The following KIF26B variants were observed in gnomAD, a reference collection of about 807,000 sequenced individuals.
KIF26B encodes kinesin family member 26B, also known as kinesin-like protein KIF26B.
In KIF26B, 63 loss-of-function variants were observed where a neutral mutation model predicts 151.2. The ratio of observed to expected loss-of-function variants is 0.42; its 90% CI spans 0.34 to 0.51. The LOEUF is 0.51. Ranked by LOEUF, KIF26B falls within the 20% of genes least tolerant of loss-of-function variation. KIF26B has a pLI of 0.07. For missense variants in KIF26B, 2,813 were observed against 2,913.6 expected (o/e 0.97, Z 0.79); for synonymous variants, 1,357 against 1,262.1 (o/e 1.08, Z -1.59).
Position 245,167,185 on chromosome 1 carries a change from T to TG in KIF26B, c.465+10503dup. Among the ~76,000 whole-genome samples, 1 of 147,368 alleles carries TG rather than the reference T, an allele frequency of 6.8e-6. No individual in the cohort carries two copies. Among genetic ancestry groups the TG allele is most frequent in the African/African-American group, 2.7e-5 (1 of 37,312 alleles). ...CGTGTAAACTTTCTTTTTATATAAT[T>TG]GTTTTTTTTTTTGCTTGAAAGCATG... On this transcript the variant is annotated intron_variant, in intron 2 of 14. Transcript: ENST00000407071. This position sits in a 1 kb window ranked among gnomAD's most constrained non-coding sequence, Gnocchi z 4.2.
At position 245,601,104 on chromosome 1, in the gene KIF26B, G is replaced by A. The variant is rs908729578; in HGVS notation, c.1351-1473G>A. The stretch of plus-strand genomic sequence containing the variant: ...CCTGGCATATGAGAGAAAATGGCAG[G>A]GATCTTTCTATGACCTCAGTGTGAG... On this transcript the variant is annotated intron_variant, in intron 5 of 14. Transcript: ENST00000407071. This position sits in a 1 kb window ranked among gnomAD's most constrained non-coding sequence, Gnocchi z 4.4. Among the ~76,000 whole-genome samples, 3 of 152,186 alleles carry A rather than the reference G, an allele frequency of 2.0e-5. No homozygotes were observed.
At chr1:245,499,657 A>G (rs1290786746) in intron 4 of KIF26B, among the ~76,000 whole-genome samples, 1 of 152,250 alleles carries the variant, frequency 6.6e-6, no homozygotes, top group East Asian at 1.9e-4. Flanking sequence ...AGGGGGACAG[A>G]GAGGCAAAGT....
At chr1:245,161,029 A>G (rs1382922298) in intron 2 of KIF26B, among the ~76,000 whole-genome samples, 3 of 152,248 alleles carry the variant, frequency 2.0e-5, no homozygotes, top group Non-Finnish European at 2.9e-5. Context: ...CTTATTAATT[A>G]TAAGGGACTT....
intron 9 of KIF26B, among the ~76,000 whole-genome samples, chr1:245,643,396 G>C (rs1200025869): frequency 6.6e-6 from 1 of 151,854 alleles, no homozygotes; most frequent in Non-Finnish European, 1.5e-5. Context: ...TATTGCTTTA[G>C]TGTTTGTAAT....
chr1:245,313,998 G>A (rs931873236), intron 2 of KIF26B, among the ~76,000 whole-genome samples: 1 of 152,016 alleles, frequency 6.6e-6, no homozygotes, highest in Non-Finnish European at 1.5e-5. Flanking sequence ...CTCGCTCTCC[G>A]CACCTGCTGT....
chr1:245,300,482 T>G (rs1671410132), intron 2 of KIF26B, among the ~76,000 whole-genome samples: 1 of 152,160 alleles, frequency 6.6e-6, no homozygotes, highest in Non-Finnish European at 1.5e-5. Flanking sequence ...TAAAACACAA[T>G]CATCATCCCT....
Position 245,367,494 on chromosome 1 carries a change from C to A in KIF26B, c.999+127C>A. On this transcript the variant is annotated intron_variant, in intron 3 of 14. Transcript: ENST00000407071. The surrounding 1 kb of genome is among the most constrained non-coding windows in gnomAD (Gnocchi z 4.2). ...CTCAGAGCCCAGTGTTTCCATGTGG[C>A]CCCCACAGAGTTCTCATCAAGGTGC... The A allele has an allele frequency of 5.4e-6, 5 of 920,172 alleles. No homozygotes were observed. The highest frequency in any genetic ancestry group is 8.0e-6 in the Non-Finnish European group (5 of 626,472). The allele number at this position is 920,172 out of a possible 1,614,324, so 57.0% of individuals were successfully genotyped here.
chr1:245,575,775 G>A (rs1477660647), intron 5 of KIF26B, among the ~76,000 whole-genome samples: 1 of 152,154 alleles, frequency 6.6e-6, no homozygotes, highest in Admixed American at 6.5e-5. Flanking sequence ...ACGAGGAAAG[G>A]AGACCTTGGC....
chr1:245,244,079 T>A lies in KIF26B; in HGVS notation c.465+87396T>A, dbSNP rs3124451. On this transcript the variant is annotated intron_variant, in intron 2 of 14. Transcript: ENST00000407071. This position sits in a 1 kb window ranked among gnomAD's most constrained non-coding sequence, Gnocchi z 4.2. ...TCGGCCTCTTGTCCTGTTGAGTAGC[T>A]AGGACTACAGGCATGCACCATCATG... Among the ~76,000 whole-genome samples, 124,767 of 151,992 alleles carry A rather than the reference T, an allele frequency of 0.82. 51,551 individuals are homozygous for A. The highest frequency in any genetic ancestry group is 0.87 in the South Asian group (4,167 of 4,802).
At chr1:245,638,341 C>CT (rs549507844) in intron 9 of KIF26B, among the ~76,000 whole-genome samples, 84 of 151,928 alleles carry the variant, frequency 5.5e-4, no homozygotes, top group Non-Finnish European at 9.7e-4. Flanking sequence ...TATCCTGCAA[C>CT]TTTATTAAAC....
At chr1:245,176,022 T>C (rs557606475) in intron 2 of KIF26B, among the ~76,000 whole-genome samples, 9 of 151,202 alleles carry the variant, frequency 6.0e-5, no homozygotes, top group African/African-American at 2.2e-4. Flanking sequence ...AGATATTTTT[T>C]TTGAGACAGA....
At chr1:245,465,407 G>GT (rs897779736) in intron 4 of KIF26B, among the ~76,000 whole-genome samples, 5 of 5,624 alleles carry the variant, frequency 8.9e-4, no homozygotes, top group African/African-American at 5.0e-3. Flanking sequence ...GACCAGGGGA[G>GT]GGGGAAAAGC....
At chr1:245,266,301 A>T (rs1040557137) in intron 2 of KIF26B, among the ~76,000 whole-genome samples, 2 of 152,212 alleles carry the variant, frequency 1.3e-5, no homozygotes, top group Admixed American at 6.5e-5. Flanking sequence ...TTAAGTGCTG[A>T]CAAGGGATAT....
chr1:245,244,542 G>A lies in KIF26B; in HGVS notation c.465+87859G>A, dbSNP rs890900239. 1.3e-5 allele frequency among the ~76,000 whole-genome samples: 2 copies of A among 152,030 alleles called. No individual in the cohort carries two copies. The highest frequency in any genetic ancestry group is 4.8e-5 in the African/African-American group (2 of 41,384). On this transcript the variant is annotated intron_variant, in intron 2 of 14. Transcript: ENST00000407071. This position sits in a 1 kb window ranked among gnomAD's most constrained non-coding sequence, Gnocchi z 4.2. ...TTATTGTACTTAGTCGAGTTCTAGA[G>A]GGAGCCAGGCCCAGAAAATGAGGGG...
rs79456428 is a variant in KIF26B at position 245,383,562 on chromosome 1, A to T, written c.999+16195A>T. Among the ~76,000 whole-genome samples the T allele has an allele frequency of 2.9e-3, 437 of 152,332 alleles. 3 individuals are homozygous for T. The highest frequency in any genetic ancestry group is 9.9e-3 in the African/African-American group (413 of 41,578). On this transcript the variant is annotated intron_variant, in intron 3 of 14. Coordinates refer to ENST00000407071, the MANE Select transcript of KIF26B (RefSeq NM_018012.4). Reference sequence around the variant, plus strand: ...TTTTTGATAGAATGCAGGTGCTTCCAGGGATTAACTGCTGCTATTAGGCTA... The same window carrying T: ...TTTTTGATAGAATGCAGGTGCTTCCTGGGATTAACTGCTGCTATTAGGCTA...
In KIF26B at chr1:245,375,175, C is replaced by A. The variant is rs999582446; in HGVS notation, c.999+7808C>A. On this transcript the variant is annotated intron_variant, in intron 3 of 14. Transcript: ENST00000407071. The surrounding 1 kb of genome is among the most constrained non-coding windows in gnomAD (Gnocchi z 4.2). ...GAGCTTGGCTCACTGCAACCTCCAC[C>A]TCCCAGGTTCAAGCGATTCTCCTGC... Among the ~76,000 whole-genome samples the A allele has an allele frequency of 6.6e-6, 1 of 152,202 alleles. No homozygotes were observed. Among genetic ancestry groups the A allele is most frequent in the Non-Finnish European group, 1.5e-5 (1 of 68,040 alleles).
At chr1:245,416,257 G>C (rs1193628066) in intron 3 of KIF26B, among the ~76,000 whole-genome samples, 2 of 123,708 alleles carry the variant, frequency 1.6e-5, no homozygotes, top group Non-Finnish European at 3.2e-5. Context: ...TCCAGCCTGG[G>C]CAACAAGAGC....
chr1:245,643,674 A>G (rs1572175450), intron 9 of KIF26B, among the ~76,000 whole-genome samples: 1 of 152,088 alleles, frequency 6.6e-6, no homozygotes, highest in South Asian at 2.1e-4. Context: ...TCCTTTGTCT[A>G]TATTCCTTGT....
At chr1:245,532,320 A>C (rs1333713318) in intron 4 of KIF26B, among the ~76,000 whole-genome samples, 2 of 139,920 alleles carry the variant, frequency 1.4e-5, no homozygotes, top group Non-Finnish European at 3.0e-5. Flanking sequence ...ATCTCGGCTC[A>C]CTGCAAGCTC....
Sources: gnomAD v4.1 joint callset for allele counts (sites outside exome capture counted in the v4.1 genomes callset) on GRCh38, gnomAD v4.1.1 for gene constraint, Gnocchi (gnomAD v3.1) non-coding constraint, MANE v1.5 for transcripts, NCBI Gene and HGNC (gene_info 2026-07-23, HGNC 2026-07-21) for gene names.